The following PPP1R12B variants were observed in gnomAD, a reference collection of about 807,000 sequenced individuals.
PPP1R12B encodes the protein myosin phosphatase target subunit 2.
In PPP1R12B, 76 loss-of-function variants were observed where a neutral mutation model predicts 126.1. That is an observed-to-expected ratio of 0.60 (90% CI 0.50 to 0.73). PPP1R12B has a LOEUF of 0.73. Among genes scored for constraint, PPP1R12B ranks in the 30% least tolerant of loss-of-function variants. The pLI, the probability that PPP1R12B is intolerant of heterozygous loss-of-function variation, is 0.00. For missense variants in PPP1R12B, 1,052 were observed against 1,205.1 expected (o/e 0.87, Z 1.88); for synonymous variants, 356 against 434.7 (o/e 0.82, Z 2.25).
At chr1:202,462,669 G>T in intron 13 of PPP1R12B, 1 of 680,506 alleles carries the variant, frequency 1.5e-6, no homozygotes, top group Non-Finnish European at 1.8e-6. Context: ...ATGTAGGAGG[G>T]ACCAAAATTT....
intron 18 of PPP1R12B, among the ~76,000 whole-genome samples, chr1:202,530,192 A>G (rs985039803): frequency 6.6e-6 from 1 of 151,702 alleles, no homozygotes; most frequent in Non-Finnish European, 1.5e-5. Flanking sequence ...ATTCTTCACT[A>G]TGTGGGTCTG....
intron 18 of PPP1R12B, among the ~76,000 whole-genome samples, chr1:202,504,134 C>T (rs1351495058): frequency 2.6e-5 from 4 of 152,090 alleles, no homozygotes; most frequent in East Asian, 1.9e-4. Flanking sequence ...GTGGCTCACG[C>T]GTGTAATCCC....
intron 18 of PPP1R12B, among the ~76,000 whole-genome samples, chr1:202,531,792 A>G (rs1683976296): frequency 6.6e-6 from 1 of 152,212 alleles, no homozygotes; most frequent in Admixed American, 6.5e-5. Context: ...CATTTTTGAA[A>G]GACTAGGTAA....
intron 5 of PPP1R12B, among the ~76,000 whole-genome samples, chr1:202,428,307 C>G (rs1051114590): frequency 1.1e-4 from 16 of 152,140 alleles, no homozygotes; most frequent in African/African-American, 3.9e-4. Context: ...GAGATATGGC[C>G]TTTTAATTAG....
rs1655360005 is a variant in PPP1R12B at position 202,348,707 on chromosome 1, T to TGGCGGGAGGAGTAAAGATGGC, written c.-140_-120dup. The TGGCGGGAGGAGTAAAGATGGC allele has an allele frequency of 4.7e-6, 5 of 1,053,868 alleles. No homozygotes were observed. The highest frequency in any genetic ancestry group is 6.7e-6 in the Non-Finnish European group (5 of 744,916). 65.3% of individuals were successfully genotyped at this position (1,053,868 alleles called of 1,614,324 possible). A position where few individuals can be genotyped will look rare whatever the true frequency, so the allele number is the denominator to read the frequency against. Reference sequence around the variant, plus strand: ...CGAGGGAGCGTGCGGGCGGTACTACTGGCGGGAGGAGTAAAGATGGCGGCG... The same window carrying TGGCGGGAGGAGTAAAGATGGC: ...CGAGGGAGCGTGCGGGCGGTACTACTGGCGGGAGGAGTAAAGATGGCGGCGGGAGGAGTAAAGATGGCGGCG... On this transcript the variant is annotated 5_prime_UTR_variant, in exon 1 of 24. The change creates a new upstream start codon in the 5' untranslated region. Coordinates refer to ENST00000608999, the MANE Select transcript of PPP1R12B (RefSeq NM_002481.4).
At chr1:202,392,584 C>CA (rs1339761572) in intron 1 of PPP1R12B, among the ~76,000 whole-genome samples, 2 of 151,212 alleles carry the variant, frequency 1.3e-5, no homozygotes, top group African/African-American at 4.9e-5. Flanking sequence ...TGCAGTGGCG[C>CA]AATCTTGTCT....
rs749241732 is a variant in PPP1R12B at position 202,562,928 on chromosome 1, G to T, written c.2652+6G>T. 1.3e-6 allele frequency: 2 copies of T among 1,553,362 alleles called. No homozygotes were observed. The highest frequency in any genetic ancestry group is 1.2e-5 in the South Asian group (1 of 82,028). ...GCAACAGAGATTATAAAAAAGTAGG[G>T]TCTTTATTCAATTTTCCGGTTCTTT... On this transcript the variant is annotated splice_donor_region_variant and intron_variant, in intron 20 of 23. Coordinates refer to ENST00000608999, the MANE Select transcript of PPP1R12B (RefSeq NM_002481.4).
At chr1:202,470,392 T>C (rs1171892012) in intron 13 of PPP1R12B, among the ~76,000 whole-genome samples, 1 of 152,208 alleles carries the variant, frequency 6.6e-6, no homozygotes, top group Admixed American at 6.5e-5. Flanking sequence ...TCTTACTGTT[T>C]GGAACAGTCC....
In PPP1R12B at chr1:202,411,898, C is replaced by A. The variant is rs1667440923; in HGVS notation, c.292-4889C>A. Among the ~76,000 whole-genome samples, 2 of 152,174 alleles carry A rather than the reference C, an allele frequency of 1.3e-5. 1 individual carries two copies. Among genetic ancestry groups the A allele is most frequent in the South Asian group, 4.1e-4 (2 of 4,830 alleles). On this transcript the variant is annotated intron_variant, in intron 1 of 23. Coordinates refer to ENST00000608999, the MANE Select transcript of PPP1R12B (RefSeq NM_002481.4). The stretch of plus-strand genomic sequence containing the variant: ...TGTGTTGCACAGGTTCTCCTGTACT[C>A]AAGCGATCCTCCCACCTCGGCCTCT...
At position 202,419,996 on chromosome 1, in the gene PPP1R12B, C is replaced by T. The variant is rs553375139; in HGVS notation, c.423-2624C>T. Among the ~76,000 whole-genome samples the T allele has an allele frequency of 1.1e-4, 16 of 152,300 alleles. No homozygotes were observed. The East Asian group carries it at 2.5e-3, about 24-fold the overall frequency. Reference sequence around the variant, plus strand: ...AATAGTCAATTAAATGTTCATCTCACGCTCAGTAAATCTCACTTTACATAA... The same window carrying T: ...AATAGTCAATTAAATGTTCATCTCATGCTCAGTAAATCTCACTTTACATAA... On this transcript the variant is annotated intron_variant, in intron 2 of 23. Coordinates refer to ENST00000608999, the MANE Select transcript of PPP1R12B (RefSeq NM_002481.4). The surrounding 1 kb of genome is among the most constrained non-coding windows in gnomAD (Gnocchi z 4.6).
intron 18 of PPP1R12B, among the ~76,000 whole-genome samples, chr1:202,518,809 G>A (rs1682438108): frequency 6.6e-6 from 1 of 152,174 alleles, no homozygotes; most frequent in Non-Finnish European, 1.5e-5. Context: ...CTGCTCAGTG[G>A]CTATTTCGTG....
intron 13 of PPP1R12B, among the ~76,000 whole-genome samples, chr1:202,460,940 T>C (rs1313891271): frequency 1.3e-5 from 2 of 152,204 alleles, no homozygotes; most frequent in Non-Finnish European, 2.9e-5. Flanking sequence ...CTATGTAATT[T>C]TTTTTCAGAA....
At chr1:202,467,941 T>C (rs1253349886) in intron 13 of PPP1R12B, among the ~76,000 whole-genome samples, 14 of 152,234 alleles carry the variant, frequency 9.2e-5, no homozygotes, top group African/African-American at 3.4e-4. Context: ...TGGTATCTCA[T>C]TGTGGTTTTG....
At chr1:202,362,523 T>A (rs1004567888) in intron 1 of PPP1R12B, among the ~76,000 whole-genome samples, 3 of 152,194 alleles carry the variant, frequency 2.0e-5, no homozygotes, top group African/African-American at 7.2e-5. Flanking sequence ...CTCTAAGTGC[T>A]TAACAGGTAT....
chr1:202,515,893 A>G (rs1682093048), intron 18 of PPP1R12B, among the ~76,000 whole-genome samples: 1 of 152,218 alleles, frequency 6.6e-6, no homozygotes, highest in South Asian at 2.1e-4. Context: ...TTCCTGGATC[A>G]GATGAACTTC....
At chr1:202,470,943 T>C (rs1675788614) in intron 13 of PPP1R12B, among the ~76,000 whole-genome samples, 1 of 151,204 alleles carries the variant, frequency 6.6e-6, no homozygotes, top group Admixed American at 6.6e-5. Flanking sequence ...TTACCAAATA[T>C]CACAAACACC....
chr1:202,546,461 A>C (rs983383078), intron 18 of PPP1R12B, among the ~76,000 whole-genome samples: 1 of 152,144 alleles, frequency 6.6e-6, no homozygotes, highest in African/African-American at 2.4e-5. Flanking sequence ...TAAACTAGCC[A>C]GGTATTGTGG....
intron 18 of PPP1R12B, among the ~76,000 whole-genome samples, chr1:202,555,353 A>AAAAG (rs1553320335): frequency 2.2e-4 from 27 of 121,674 alleles, no homozygotes; most frequent in African/African-American, 8.0e-4. Context: ...AAAAAAAAAA[A>AAAAG]GCTTGTTTCG....
intron 1 of PPP1R12B, among the ~76,000 whole-genome samples, chr1:202,378,247 C>CTTTTT (rs386369339): frequency 8.6e-5 from 8 of 93,322 alleles, no homozygotes; most frequent in East Asian, 3.7e-4. Flanking sequence ...TGTCTTCATT[C>CTTTTT]TTTTTTTTTT....
Sources: allele counts gnomAD v4.1 joint callset (sites outside exome capture counted in the v4.1 genomes callset), GRCh38; gene constraint gnomAD v4.1.1; non-coding constraint Gnocchi (gnomAD v3.1); transcripts MANE v1.5; gene names NCBI Gene and HGNC (gene_info 2026-07-23, HGNC 2026-07-21).